Variants in SYT9 observed in about 807,000 individuals in gnomAD.
The protein encoded by SYT9 is synaptotagmin 9.
In SYT9, 22 loss-of-function variants were observed where a neutral mutation model predicts 48.4. That is an observed-to-expected ratio of 0.45 (90% CI 0.32 to 0.65). The LOEUF (loss-of-function observed/expected upper bound fraction) is 0.65. Among genes scored for constraint, SYT9 ranks in the 30% least tolerant of loss-of-function variants. SYT9 has a pLI of 0.03. For synonymous variants in SYT9, 265 were observed against 245.0 expected (o/e 1.08, Z -0.76); for missense variants, 577 against 622.0 (o/e 0.93, Z 0.77).
At position 7,420,625 on chromosome 11, in the gene SYT9, C is replaced by T; in HGVS notation, c.1457C>T (p.Ser486Phe). ...CGGAAGCCCATTGCACACTGGCATT[C>T]CCTGGTGGAGGTAAGACCCTAATCC... Reference protein sequence around the residue: ...YPRKPIAHWHSLVEKR With the variant: ...YPRKPIAHWHFLVEKR The change falls in exon 6 of 7, where the codon TCC (serine) becomes TTC (phenylalanine). Residue 486 changes from serine (S) to phenylalanine (F), a missense_variant. Coordinates refer to ENST00000318881, the MANE Select transcript of SYT9 (RefSeq NM_175733.4). 1 of 1,614,162 alleles carries T rather than the reference C, an allele frequency of 6.2e-7. No individual in the cohort carries two copies.
Position 7,460,783 on chromosome 11 carries a change from A to G in SYT9, c.1468-6009A>G, listed in dbSNP as rs558012045. Among the ~76,000 whole-genome samples, 6 of 152,350 alleles carry G rather than the reference A, an allele frequency of 3.9e-5. 1 individual carries two copies. The South Asian group carries it at 1.2e-3, about 32-fold the overall frequency. ...GATAACAACATGTGTATTGCACTTGAATAAATAAAGTTTACACAAAAGCAT... is the reference window on the plus strand; with the variant it reads ...GATAACAACATGTGTATTGCACTTGGATAAATAAAGTTTACACAAAAGCAT... On this transcript the variant is annotated intron_variant, in intron 6 of 6. Transcript: ENST00000318881.
intron 3 of SYT9, among the ~76,000 whole-genome samples, chr11:7,400,669 AAG>A (rs1221802386): frequency 6.6e-6 from 1 of 152,206 alleles, no homozygotes; most frequent in Non-Finnish European, 1.5e-5. Context: ...TATAAAATCA[AAG>A]AGAGACTTCT....
At chr11:7,451,890 C>T (rs7106254) in intron 6 of SYT9, among the ~76,000 whole-genome samples, 46,414 of 152,010 alleles carry the variant, frequency 0.31, 7,916 homozygotes, top group African/African-American at 0.44. Flanking sequence ...TGAAACTGTT[C>T]CTTGCAAGGG....
intron 3 of SYT9, among the ~76,000 whole-genome samples, chr11:7,345,160 C>A (rs1255385555): frequency 2.0e-5 from 3 of 152,156 alleles, no homozygotes; most frequent in Non-Finnish European, 4.4e-5. Context: ...GTTCTCTTCT[C>A]TGGTACTCTA....
chr11:7,353,517 G>A (rs535559856), intron 3 of SYT9, among the ~76,000 whole-genome samples: 1 of 152,304 alleles, frequency 6.6e-6, no homozygotes, highest in East Asian at 1.9e-4. Context: ...GTACCACATT[G>A]ACTTCTCTGC....
intron 3 of SYT9, among the ~76,000 whole-genome samples, chr11:7,350,804 T>C (rs920261792): frequency 6.6e-6 from 1 of 152,178 alleles, no homozygotes; most frequent in Non-Finnish European, 1.5e-5. Context: ...AGAAAATAAA[T>C]GCTACTTGCA....
intron 6 of SYT9, among the ~76,000 whole-genome samples, chr11:7,462,374 C>T (rs1318061533): frequency 7.6e-6 from 1 of 132,288 alleles, no homozygotes; most frequent in African/African-American, 3.4e-5. Flanking sequence ...CCCAAATGGA[C>T]CCTTTCATTT....
chr11:7,376,001 C>A (rs910722050), intron 3 of SYT9, among the ~76,000 whole-genome samples: 3 of 152,064 alleles, frequency 2.0e-5, no homozygotes, highest in African/African-American at 7.2e-5. Flanking sequence ...TTTCTTTCTG[C>A]TGGGTGCTGT....
chr11:7,395,619 T>C (rs937842048), intron 3 of SYT9, among the ~76,000 whole-genome samples: 5 of 152,168 alleles, frequency 3.3e-5, no homozygotes, highest in African/African-American at 9.6e-5. Flanking sequence ...TTTTTATTAT[T>C]GTTGGTTTAA....
chr11:7,288,029 G>A (rs536688734), intron 1 of SYT9, among the ~76,000 whole-genome samples: 186 of 151,716 alleles, frequency 1.2e-3, no homozygotes, highest in Middle Eastern at 3.4e-3. Context: ...GCATCATAAC[G>A]TCATGGCAGA....
chr11:7,245,592 G>T (rs1366123060), intron 1 of SYT9, among the ~76,000 whole-genome samples: 5 of 152,072 alleles, frequency 3.3e-5, no homozygotes. Flanking sequence ...CTGAGATTAG[G>T]TAATTTAAAA....
intron 1 of SYT9, among the ~76,000 whole-genome samples, chr11:7,239,386 G>T (rs1847717341): frequency 6.6e-6 from 1 of 152,056 alleles, no homozygotes; most frequent in Non-Finnish European, 1.5e-5. Context: ...TAACAGTGAG[G>T]CACCTTATTC....
At position 7,466,963 on chromosome 11, in the gene SYT9, T is replaced by G; in HGVS notation, c.*163T>G. On this transcript the variant is annotated 3_prime_UTR_variant, in exon 7 of 7. Coordinates refer to ENST00000318881, the MANE Select transcript of SYT9 (RefSeq NM_175733.4). ...GGCCTTCTTTCCAGATTGGGTTTGG[T>G]GAACCTGAATGGTCCAGCCACCTTC... 1 of 842,196 alleles carries G rather than the reference T, an allele frequency of 1.2e-6. No individual in the cohort carries two copies. Among genetic ancestry groups the G allele is most frequent in the South Asian group, 1.7e-5 (1 of 59,090 alleles). 52.2% of individuals were successfully genotyped at this position (842,196 alleles called of 1,614,324 possible).
intron 3 of SYT9, among the ~76,000 whole-genome samples, chr11:7,407,202 A>C (rs1847032482): frequency 6.6e-6 from 1 of 152,048 alleles, no homozygotes; most frequent in African/African-American, 2.4e-5. Context: ...TTTTAAATTT[A>C]ATAAATTTAA....
intron 1 of SYT9, among the ~76,000 whole-genome samples, chr11:7,300,305 G>T (rs1848894984): frequency 6.6e-6 from 1 of 152,294 alleles, no homozygotes. Flanking sequence ...TGGCAGTCAG[G>T]CTGGAAGATC....
chr11:7,436,620 T>G (rs1050174472), intron 6 of SYT9, among the ~76,000 whole-genome samples: 2 of 152,148 alleles, frequency 1.3e-5, no homozygotes, highest in African/African-American at 4.8e-5. Flanking sequence ...CAGTTGGTTT[T>G]TTTGTTTGTT....
At chr11:7,327,933 G>GA (rs1376188176) in intron 3 of SYT9, among the ~76,000 whole-genome samples, 2 of 97,732 alleles carry the variant, frequency 2.0e-5, no homozygotes, top group Non-Finnish European at 4.1e-5. Flanking sequence ...GGGGAGGGGG[G>GA]AGGGGGGAGG....
chr11:7,273,898 C>G (rs938759552), intron 1 of SYT9, among the ~76,000 whole-genome samples: 3 of 147,868 alleles, frequency 2.0e-5, no homozygotes, highest in African/African-American at 5.3e-5. Context: ...CAGGGCCTGT[C>G]AGGGGGTGGG....
At chr11:7,244,334 T>C (rs888568971) in intron 1 of SYT9, among the ~76,000 whole-genome samples, 1 of 152,206 alleles carries the variant, frequency 6.6e-6, no homozygotes, top group Non-Finnish European at 1.5e-5. Flanking sequence ...ACTGGAATAA[T>C]GGTGCAACGA....
Sources: gnomAD v4.1 joint callset for allele counts (sites outside exome capture counted in the v4.1 genomes callset) on GRCh38, gnomAD v4.1.1 for gene constraint, MANE v1.5 for transcripts, NCBI Gene and HGNC (gene_info 2026-07-23, HGNC 2026-07-21) for gene names.